Variants in ACTN1 observed in about 807,000 individuals in gnomAD.
ACTN1 encodes the protein alpha-actinin-1.
ACTN1 carries 30 observed loss-of-function variants against 119.6 expected under a neutral mutation model. The ratio of observed to expected loss-of-function variants is 0.25; its 90% CI spans 0.19 to 0.34. ACTN1 has a LOEUF of 0.34. Among genes scored for constraint, ACTN1 ranks in the 10% least tolerant of loss-of-function variants. ACTN1 has a pLI of 1.00. For synonymous variants in ACTN1, 429 were observed against 472.6 expected, an observed-to-expected ratio of 0.91 and a Z score of 1.20; for missense variants, 764 against 1,223.4, an observed-to-expected ratio of 0.62 and a Z score of 5.60.
At position 68,880,164 on chromosome 14, in the gene ACTN1, G is replaced by C; in HGVS notation, c.2134-56C>G. ...GGGGTCCCAGGCCTGGGCTCCTGGC[G>C]GCCCCTGCCCATCCTACTCCCCAAC... On this transcript the variant is annotated intron_variant, in intron 17 of 21. Coordinates refer to ENST00000394419, the MANE Select transcript of ACTN1 (RefSeq NM_001130004.2). This position sits in a 1 kb window ranked among gnomAD's most constrained non-coding sequence, Gnocchi z 4.6. 1 of 1,587,870 alleles carries C rather than the reference G, an allele frequency of 6.3e-7. No individual in the cohort carries two copies. Among genetic ancestry groups the C allele is most frequent in the Non-Finnish European group, 8.6e-7 (1 of 1,165,636 alleles).
At chr14:68,875,190 C>T in intron 21 of ACTN1, 173 bp from the exon 22 acceptor site, 1 of 1,471,868 alleles carries the variant, frequency 6.8e-7, no homozygotes, top group Non-Finnish European at 9.0e-7. Flanking sequence ...GTACATACCG[C>T]ATACACAACA....
At chr14:68,943,151 C>T (rs960417067) in intron 1 of ACTN1, among the ~76,000 whole-genome samples, 13 of 152,280 alleles carry the variant, frequency 8.5e-5, no homozygotes, top group African/African-American at 3.1e-4. Context: ...GGGGTGTCAA[C>T]AGCTCAGCAG....
chr14:68,947,092 G>A (rs10147267), intron 1 of ACTN1, among the ~76,000 whole-genome samples: 4,717 of 152,294 alleles, frequency 0.031, 222 homozygotes, highest in African/African-American at 0.11. Context: ...AGACTGGCCC[G>A]ATTATAAAAA....
chr14:68,892,639 G>C (rs1293500322), intron 9 of ACTN1, among the ~76,000 whole-genome samples: 1 of 152,212 alleles, frequency 6.6e-6, no homozygotes, highest in Non-Finnish European at 1.5e-5. Context: ...CTGGGCCTCA[G>C]TTTCCTCATC....
At chr14:68,899,120 AACC>A (rs768597612) in intron 8 of ACTN1, among the ~76,000 whole-genome samples, 58 of 115,974 alleles carry the variant, frequency 5.0e-4, no homozygotes, top group Non-Finnish European at 8.9e-4. Flanking sequence ...TCCACACCAC[AACC>A]ACACCACACC....
At position 68,942,434 on chromosome 14, in the gene ACTN1, C is replaced by T. The variant is rs189579897; in HGVS notation, c.106-16762G>A. Among the ~76,000 whole-genome samples the T allele has an allele frequency of 1.8e-4, 28 of 152,210 alleles. 1 individual carries two copies. The Middle Eastern group carries it at 0.014, about 74-fold the overall frequency. The stretch of plus-strand genomic sequence containing the variant: ...GGCATTAACGGGCTGTATCTATAAA[C>T]TGCCACTCCTTACAGAGGAGAGGTT... On this transcript the variant is annotated intron_variant, in intron 1 of 21. Transcript: ENST00000394419.
chr14:68,917,500 C>T (rs541407074), intron 3 of ACTN1, among the ~76,000 whole-genome samples: 1 of 152,338 alleles, frequency 6.6e-6, no homozygotes, highest in East Asian at 1.9e-4. Flanking sequence ...CAACCTGCAA[C>T]GTTCCCCCGC....
chr14:68,885,030 C>T lies in ACTN1; in HGVS notation c.1386-147G>A. 1.5e-6 allele frequency: 1 copy of T among 656,442 alleles called. No homozygotes were observed. The allele number at this position is 656,442 out of a possible 1,614,324, so 40.7% of individuals were successfully genotyped here. ...CAAGAGACCTTCCAGGCACTCCTTC[C>T]ACCCCTCCCCTCTTTCAGGAGACTG... On this transcript the variant is annotated intron_variant, in intron 12 of 21. Coordinates refer to ENST00000394419, the MANE Select transcript of ACTN1 (RefSeq NM_001130004.2). This position sits in a 1 kb window ranked among gnomAD's most constrained non-coding sequence, Gnocchi z 5.6.
chr14:68,978,248 C>G (rs770823451), intron 1 of ACTN1: 1 of 455,792 alleles, frequency 2.2e-6, no homozygotes, highest in Non-Finnish European at 4.4e-6. Context: ...CAGGACGTAG[C>G]GCAAGCCCAT....
Position 68,904,723 on chromosome 14 carries a change from G to T in ACTN1, c.608C>A (p.Thr203Lys), listed in dbSNP as rs887115456. 1.9e-6 allele frequency: 3 copies of T among 1,613,906 alleles called. No homozygotes were observed. Among genetic ancestry groups the T allele is most frequent in the Non-Finnish European group, 2.5e-6 (3 of 1,179,758 alleles). ...CACGTCAAAAGCCGTATTCAGATTT[G>T]TGAGTGGATCATCCTAGAGGGAGAA... is the stretch of plus-strand genomic sequence containing the variant. ...YGKLRKDDPL[T>K]NLNTAFDVAE... is the part of the protein sequence containing the mutation. Residue 203 changes from threonine to lysine, a missense_variant, in exon 7 of 22, where the codon ACA becomes AAA. By Grantham distance (78) the Thr-to-Lys change is moderately conservative. Coordinates refer to ENST00000394419, the MANE Select transcript of ACTN1 (RefSeq NM_001130004.2).
intron 1 of ACTN1, among the ~76,000 whole-genome samples, chr14:68,954,843 C>CT (rs1420720363): frequency 6.6e-6 from 1 of 152,178 alleles, no homozygotes; most frequent in Admixed American, 6.5e-5. Context: ...CCTGGTCAGA[C>CT]TTTTTTTCTT....
chr14:68,979,082 G>C lies in ACTN1; in HGVS notation c.-26C>G, dbSNP rs1380081874. On this transcript the variant is annotated 5_prime_UTR_variant, in exon 1 of 22. It adds an upstream start codon to the 5' untranslated region. Coordinates refer to ENST00000394419, the MANE Select transcript of ACTN1 (RefSeq NM_001130004.2). The stretch of plus-strand genomic sequence containing the variant: ...GATGGTGCGCGCGTGCTAGGGTCTG[G>C]ATTTCTTCCTCCACCTTCTCTCTGA... 1 of 1,445,008 alleles carries C rather than the reference G, an allele frequency of 6.9e-7. No individual in the cohort carries two copies. Among genetic ancestry groups the C allele is most frequent in the Non-Finnish European group, 9.4e-7 (1 of 1,059,380 alleles). The allele number at this position is 1,445,008 out of a possible 1,614,324, so 89.5% of individuals were successfully genotyped here.
intron 1 of ACTN1, among the ~76,000 whole-genome samples, chr14:68,956,555 C>G (rs2036357465): frequency 6.6e-6 from 1 of 152,128 alleles, no homozygotes; most frequent in Non-Finnish European, 1.5e-5. Context: ...CCTAGGTGGT[C>G]CACGGGCCAT....
chr14:68,970,621 A>T (rs1405704735), intron 1 of ACTN1, among the ~76,000 whole-genome samples: 2 of 152,216 alleles, frequency 1.3e-5, no homozygotes, highest in Non-Finnish European at 2.9e-5. Flanking sequence ...AAGCAGGGGA[A>T]GCTAGCTCCC....
intron 1 of ACTN1, among the ~76,000 whole-genome samples, chr14:68,975,706 T>C (rs2037037711): frequency 6.6e-6 from 1 of 152,188 alleles, no homozygotes; most frequent in African/African-American, 2.4e-5. Flanking sequence ...TTATGAAACC[T>C]GGAAAAGTAG....
chr14:68,952,650 G>C (rs1402229214), intron 1 of ACTN1, among the ~76,000 whole-genome samples: 1 of 151,712 alleles, frequency 6.6e-6, no homozygotes, highest in Non-Finnish European at 1.5e-5. Flanking sequence ...TTTTCTGAAG[G>C]CACAGGCTTA....
intron 1 of ACTN1, among the ~76,000 whole-genome samples, chr14:68,934,478 G>A (rs550456553): frequency 1.3e-5 from 2 of 152,360 alleles, no homozygotes; most frequent in Admixed American, 1.3e-4. Context: ...CATTTCCACT[G>A]CTGGTGGGTT....
chr14:68,965,879 G>T (rs1395113838), intron 1 of ACTN1, among the ~76,000 whole-genome samples: 1 of 152,126 alleles, frequency 6.6e-6, no homozygotes, highest in African/African-American at 2.4e-5. Context: ...TTAACTTCAG[G>T]GCCAGGCTAC....
rs1245914561 is a variant in ACTN1, at chr14:68,941,398, G to C, written c.106-15726C>G. 2.6e-5 allele frequency among the ~76,000 whole-genome samples: 4 copies of C among 152,328 alleles called. No homozygotes were observed. In the East Asian group the frequency reaches 7.7e-4, roughly 29 times the overall value. On this transcript the variant is annotated intron_variant, in intron 1 of 21. Coordinates refer to ENST00000394419, the MANE Select transcript of ACTN1 (RefSeq NM_001130004.2). ...AAACTGCATTTCTAACAAGTATCCAGGTGATGCTGATGCTGCCGGTCCAGA... is the reference window on the plus strand; with the variant it reads ...AAACTGCATTTCTAACAAGTATCCACGTGATGCTGATGCTGCCGGTCCAGA...
Sources: gnomAD v4.1 joint callset for allele counts (sites outside exome capture counted in the v4.1 genomes callset) on GRCh38, gnomAD v4.1.1 for gene constraint, Gnocchi (gnomAD v3.1) non-coding constraint, MANE v1.5 for transcripts, NCBI Gene and HGNC (gene_info 2026-07-23, HGNC 2026-07-21) for gene names.